SLC1A2: variants seen among roughly 807,000 people sequenced by gnomAD.
SLC1A2 encodes the protein solute carrier family 1 member 2.
In SLC1A2, 15 loss-of-function variants were observed where a neutral mutation model predicts 48.8. The ratio of observed to expected loss-of-function variants is 0.31; its 90% CI spans 0.21 to 0.47. The LOEUF (loss-of-function observed/expected upper bound fraction) is 0.47. SLC1A2 is among the 20% of genes least tolerant of loss of function. The pLI, the probability that SLC1A2 is intolerant of heterozygous loss-of-function variation, is 0.99. For synonymous variants in SLC1A2, 279 were observed against 272.6 expected (o/e 1.02, Z -0.23); for missense variants, 502 against 730.5 (o/e 0.69, Z 3.61).
intron 1 of SLC1A2, among the ~76,000 whole-genome samples, chr11:35,353,065 T>A (rs1167892588): frequency 4.6e-5 from 7 of 152,196 alleles, no homozygotes; most frequent in Admixed American, 6.5e-5. Flanking sequence ...GATTTAACAT[T>A]TCTGAAATTG....
At chr11:35,288,410 G>T (rs1018392031) in intron 7 of SLC1A2, among the ~76,000 whole-genome samples, 13 of 152,102 alleles carry the variant, frequency 8.5e-5, no homozygotes, top group Admixed American at 7.9e-4. Context: ...TGCATGCAGG[G>T]GATGGCATCA....
At chr11:35,295,288 A>C (rs889073929) in intron 6 of SLC1A2, among the ~76,000 whole-genome samples, 1 of 152,128 alleles carries the variant, frequency 6.6e-6, no homozygotes, top group African/African-American at 2.4e-5. Flanking sequence ...AGCCTCAAGC[A>C]AACCTCCCAC....
At chr11:35,370,899 C>G in intron 1 of SLC1A2, 1 of 951,064 alleles carries the variant, frequency 1.1e-6, no homozygotes, top group Non-Finnish European at 1.3e-6. Flanking sequence ...GAAAAGATGG[C>G]TAAGATATAT....
intron 1 of SLC1A2, among the ~76,000 whole-genome samples, chr11:35,386,846 T>C (rs1038435618): frequency 6.6e-6 from 1 of 152,194 alleles, no homozygotes; most frequent in Admixed American, 6.5e-5. Flanking sequence ...TTCCTTAAAA[T>C]TACCTTGTCT....
At chr11:35,329,178 T>G (rs573011204) in intron 1 of SLC1A2, among the ~76,000 whole-genome samples, 15 of 152,306 alleles carry the variant, frequency 9.8e-5, no homozygotes, top group Admixed American at 3.9e-4. Context: ...ATTCCAACTA[T>G]ATGACATTCT....
In SLC1A2 at chr11:35,410,404, G is replaced by T. The variant is rs544649367; in HGVS notation, c.17+8546C>A. Among the ~76,000 whole-genome samples, 16 of 152,222 alleles carry T rather than the reference G, an allele frequency of 1.1e-4. No homozygotes were observed. In the East Asian group the frequency reaches 1.7e-3, roughly 17 times the overall value. On this transcript the variant is annotated intron_variant, in intron 1 of 10. Coordinates refer to ENST00000278379, the MANE Select transcript of SLC1A2 (RefSeq NM_004171.4). Reference sequence around the variant, plus strand: ...ATTCCTCCTGACTACCTGAAATTTTGTATCACTTGACCAGCAAGGTATAGC... The same window carrying T: ...ATTCCTCCTGACTACCTGAAATTTTTTATCACTTGACCAGCAAGGTATAGC...
intron 9 of SLC1A2, among the ~76,000 whole-genome samples, chr11:35,275,579 G>A (rs549009115): frequency 6.6e-6 from 1 of 152,294 alleles, no homozygotes; most frequent in South Asian, 2.1e-4. Flanking sequence ...CAGAATCTTG[G>A]TTTTCACCAT....
intron 1 of SLC1A2, among the ~76,000 whole-genome samples, chr11:35,367,585 C>T (rs1415113798): frequency 6.6e-6 from 1 of 152,228 alleles, no homozygotes; most frequent in Non-Finnish European, 1.5e-5. Context: ...TCATAAGCAG[C>T]TCATTTCTTT....
Position 35,317,360 on chromosome 11 carries a change from G to A in SLC1A2, c.157+17C>T. 2 of 1,611,588 alleles carry A rather than the reference G, an allele frequency of 1.2e-6. No individual in the cohort carries two copies. The highest frequency in any genetic ancestry group is 1.7e-6 in the Non-Finnish European group (2 of 1,178,006). ...CAGAGAAGAGGGGGCTGGGGGTGGG[G>A]TAGTGCAGGTACCTACCAAACACCG... On this transcript the variant is annotated intron_variant, in intron 2 of 10. Transcript: ENST00000278379.
At chr11:35,403,667 A>G (rs1044302869) in intron 1 of SLC1A2, among the ~76,000 whole-genome samples, 10 of 152,274 alleles carry the variant, frequency 6.6e-5, no homozygotes, top group East Asian at 5.8e-4. Flanking sequence ...CAGGGTTCCT[A>G]TGTTTATGCC....
chr11:35,381,852 G>C (rs997369453), intron 1 of SLC1A2, among the ~76,000 whole-genome samples: 1 of 152,304 alleles, frequency 6.6e-6, no homozygotes, highest in East Asian at 1.9e-4. Context: ...ACACAACTAT[G>C]ATGATTTCAT....
intron 5 of SLC1A2, among the ~76,000 whole-genome samples, chr11:35,302,987 C>T (rs1232495385): frequency 6.6e-6 from 1 of 151,208 alleles, no homozygotes; most frequent in East Asian, 1.9e-4. Flanking sequence ...CTGACTTGTT[C>T]TCTGACTCTG....
At chr11:35,316,380 T>G (rs1277376115) in intron 2 of SLC1A2, 1 of 152,228 alleles carries the variant, frequency 6.6e-6, no homozygotes, top group Admixed American at 6.5e-5. Context: ...TGATTTTTTT[T>G]CTTCTGCAGG....
chr11:35,415,873 T>C (rs1369286286), intron 1 of SLC1A2, among the ~76,000 whole-genome samples: 1 of 152,192 alleles, frequency 6.6e-6, no homozygotes, highest in Non-Finnish European at 1.5e-5. Flanking sequence ...TGCCTGCCTC[T>C]TCAGCATCTG....
rs1420559494 is a variant in SLC1A2 at position 35,260,283 on chromosome 11, A to T, written c.*611T>A. On this transcript the variant is annotated 3_prime_UTR_variant, in exon 11 of 11. Coordinates refer to ENST00000278379, the MANE Select transcript of SLC1A2 (RefSeq NM_004171.4). ...ACAGGTTCTTTAATCAACTGCCTTT[A>T]AGAGCATGGCTCCCTTTAAAACTGT... The T allele has an allele frequency of 1.3e-5, 2 of 152,502 alleles. No individual in the cohort carries two copies. The highest frequency in any genetic ancestry group is 4.8e-5 in the African/African-American group (2 of 41,464). 9.4% of individuals were successfully genotyped at this position (152,502 alleles called of 1,614,324 possible).
At chr11:35,309,940 T>A (rs1422945678) in intron 4 of SLC1A2, among the ~76,000 whole-genome samples, 1 of 152,140 alleles carries the variant, frequency 6.6e-6, no homozygotes, top group Non-Finnish European at 1.5e-5. Context: ...ATTTTGGCAA[T>A]AGAAAGTTGG....
At chr11:35,309,293 T>A (rs1851613302) in intron 4 of SLC1A2, among the ~76,000 whole-genome samples, 1 of 152,010 alleles carries the variant, frequency 6.6e-6, no homozygotes, top group Middle Eastern at 3.4e-3. Flanking sequence ...ATCTGTCTCC[T>A]CCCCCCGTGG....
At chr11:35,332,626 A>T (rs919684822) in intron 1 of SLC1A2, among the ~76,000 whole-genome samples, 1 of 152,170 alleles carries the variant, frequency 6.6e-6, no homozygotes, top group African/African-American at 2.4e-5. Flanking sequence ...CTCTGGACTC[A>T]AATATATTCT....
chr11:35,357,464 T>C (rs1376525330), intron 1 of SLC1A2, among the ~76,000 whole-genome samples: 1 of 152,214 alleles, frequency 6.6e-6, no homozygotes, highest in African/African-American at 2.4e-5. Flanking sequence ...TAAATCTGTT[T>C]ATGTTCATGA....
Sources: gnomAD v4.1 joint callset for allele counts (sites outside exome capture counted in the v4.1 genomes callset) on GRCh38, gnomAD v4.1.1 for gene constraint, MANE v1.5 for transcripts, NCBI Gene and HGNC (gene_info 2026-07-23, HGNC 2026-07-21) for gene names.